Variants in PPP2R2C observed in about 807,000 individuals in gnomAD.
The protein encoded by PPP2R2C is protein phosphatase 2 regulatory subunit Bgamma.
A neutral mutation model predicts 45.3 loss-of-function variants in PPP2R2C; 10 were observed. That is an observed-to-expected ratio of 0.22 (90% CI 0.14 to 0.37). The LOEUF (loss-of-function observed/expected upper bound fraction) is 0.37, where lower values mean the gene tolerates loss of function less well. Ranked by LOEUF, PPP2R2C falls within the 10% of genes least tolerant of loss-of-function variation. The pLI, the probability that PPP2R2C is intolerant of heterozygous loss-of-function variation, is 1.00. For missense variants in PPP2R2C, 308 were observed against 619.7 expected, an observed-to-expected ratio of 0.50 and a Z score of 5.34; for synonymous variants, 257 against 245.4, an observed-to-expected ratio of 1.05 and a Z score of -0.44.
At chr4:6,492,395 A>T (rs1358257783) in intron 2 of PPP2R2C, among the ~76,000 whole-genome samples, 1 of 152,146 alleles carries the variant, frequency 6.6e-6, no homozygotes, top group Non-Finnish European at 1.5e-5. Context: ...CGTGGTGCTG[A>T]AGACTTGATG....
intron 2 of PPP2R2C, among the ~76,000 whole-genome samples, chr4:6,478,374 G>C (rs571081583): frequency 6.6e-5 from 10 of 152,342 alleles, no homozygotes; most frequent in African/African-American, 1.7e-4. Flanking sequence ...ACAAGGTGAG[G>C]TGAGTGACTA....
intron 1 of PPP2R2C, among the ~76,000 whole-genome samples, chr4:6,393,919 C>T (rs567799684): frequency 1.2e-4 from 18 of 152,372 alleles, no homozygotes; most frequent in South Asian, 2.1e-4. Flanking sequence ...AACCCTCCAT[C>T]GGATCCCCAT....
chr4:6,435,554 G>C (rs764498642), intron 1 of PPP2R2C, among the ~76,000 whole-genome samples: 1 of 152,182 alleles, frequency 6.6e-6, no homozygotes, highest in Non-Finnish European at 1.5e-5. Flanking sequence ...TCTTGAGATA[G>C]AGCTTGCACT....
intron 2 of PPP2R2C, among the ~76,000 whole-genome samples, chr4:6,519,190 GTGTTGGGCCCCCAGCTA>G (rs889146264): frequency 3.9e-5 from 6 of 152,262 alleles, no homozygotes; most frequent in Admixed American, 1.3e-4. Context: ...AATACCAGCT[GTGTTGGGCCCCCAGCTA>G]TGTTGGGAGA....
Position 6,378,795 on chromosome 4 carries a change from C to G in PPP2R2C, c.169-223G>C, listed in dbSNP as rs369391487. Among the ~76,000 whole-genome samples, 116 of 152,148 alleles carry G rather than the reference C, an allele frequency of 7.6e-4. No homozygotes were observed. In the East Asian group the frequency reaches 8.2e-3, roughly 11 times the overall value. On this transcript the variant is annotated intron_variant, in intron 2 of 8. Coordinates refer to ENST00000382599, the MANE Select transcript of PPP2R2C (RefSeq NM_020416.4). The surrounding 1 kb of genome is among the most constrained non-coding windows in gnomAD (Gnocchi z 5.2). ...TGCGGTCCCATGAAACACTCACACCCGAGCCGGCTAACTTGCTAATGCGAA... is the reference window on the plus strand; with the variant it reads ...TGCGGTCCCATGAAACACTCACACCGGAGCCGGCTAACTTGCTAATGCGAA...
At chr4:6,372,459 C>T in intron 5 of PPP2R2C, 64 bp downstream of exon 5, 2 of 1,548,378 alleles carry the variant, frequency 1.3e-6, no homozygotes, top group Non-Finnish European at 1.8e-6. Context: ...TCAAACCAAA[C>T]CCACCACCCA....
rs1713379261 is a variant in PPP2R2C at position 6,358,092 on chromosome 4, A to AAG, written c.626-10083_626-10082insCT. 2.0e-5 allele frequency among the ~76,000 whole-genome samples: 3 copies of AAG among 152,222 alleles called. No homozygotes were observed. In the South Asian group the frequency reaches 6.2e-4, roughly 32 times the overall value. On this transcript the variant is annotated intron_variant, in intron 5 of 8. Coordinates refer to ENST00000382599, the MANE Select transcript of PPP2R2C (RefSeq NM_020416.4). ...GCTACCTGACTTCAAACTATGCTAC[A>AAG]AAGCTACAGTAACCAAAACAGCATG...
At chr4:6,516,373 G>A (rs146610500) in intron 2 of PPP2R2C, among the ~76,000 whole-genome samples, 19 of 152,322 alleles carry the variant, frequency 1.2e-4, no homozygotes, top group Admixed American at 8.5e-4. Context: ...CCGTTGCCTC[G>A]TCTTACCCGC....
rs1476610785 is a variant in PPP2R2C at position 6,329,224 on chromosome 4, T to C, written c.1052+38A>G. On this transcript the variant is annotated intron_variant, in intron 8 of 8. Transcript: ENST00000382599. This position sits in a 1 kb window ranked among gnomAD's most constrained non-coding sequence, Gnocchi z 5.8. ...ACCCCTGCAGGGCAGAAACCCTCCC[T>C]ACGGTGAGGTGAGGTGCGGGCTGAG... The C allele has an allele frequency of 1.3e-6, 2 of 1,579,398 alleles. No homozygotes were observed. The highest frequency in any genetic ancestry group is 1.7e-6 in the Non-Finnish European group (2 of 1,149,800).
chr4:6,451,469 C>T (rs73207823), intron 1 of PPP2R2C, among the ~76,000 whole-genome samples: 13,944 of 152,198 alleles, frequency 0.092, 866 homozygotes, highest in Non-Finnish European at 0.14. Context: ...CCTTCTGTTT[C>T]TTGCATGAGG....
Position 6,321,822 on chromosome 4 carries a change from C to T in PPP2R2C, c.*1480G>A, listed in dbSNP as rs561190914. On this transcript the variant is annotated 3_prime_UTR_variant, in exon 9 of 9. Coordinates refer to ENST00000382599, the MANE Select transcript of PPP2R2C (RefSeq NM_020416.4). ...AGAACAGGAGCATCTACCATGGAAA[C>T]ACCACCTTCTCTGTGGCCCTCATTG... 2 of 152,298 alleles carry T rather than the reference C, an allele frequency of 1.3e-5. No individual in the cohort carries two copies. Among genetic ancestry groups the T allele is most frequent in the African/African-American group, 4.8e-5 (2 of 41,574 alleles). 9.4% of individuals were successfully genotyped at this position (152,298 alleles called of 1,614,324 possible).
chr4:6,335,961 A>G (rs1577075246), intron 6 of PPP2R2C, among the ~76,000 whole-genome samples: 1 of 151,994 alleles, frequency 6.6e-6, no homozygotes, highest in Admixed American at 6.5e-5. Flanking sequence ...GCCTCTGGTG[A>G]GCAGTGGCAG....
chr4:6,365,439 G>A (rs998316427), intron 5 of PPP2R2C, among the ~76,000 whole-genome samples: 8 of 152,192 alleles, frequency 5.3e-5, no homozygotes, highest in African/African-American at 1.9e-4. Context: ...TGTCTACACG[G>A]CACCAGGCCC....
At chr4:6,372,306 T>A (rs994193747) in intron 5 of PPP2R2C, among the ~76,000 whole-genome samples, 7 of 152,194 alleles carry the variant, frequency 4.6e-5, no homozygotes, top group Non-Finnish European at 1.0e-4. Flanking sequence ...ATGGGTGCAA[T>A]GCTCAGCAAC....
In PPP2R2C at chr4:6,562,314, C is replaced by T. The variant is rs188010090; in HGVS notation, c.-59+1246G>A. On this transcript the variant is annotated intron_variant, in intron 1 of 9. Coordinates refer to the PPP2R2C transcript ENST00000506140. ...TGACAGTGTCCCTGTGATGTCTTCC[C>T]GTGACAGTGTGAGCACATGCCAAAG... Among the ~76,000 whole-genome samples, 8 of 152,250 alleles carry T rather than the reference C, an allele frequency of 5.3e-5. No individual in the cohort carries two copies. In the East Asian group the frequency reaches 1.2e-3, roughly 22 times the overall value.
chr4:6,366,587 C>T (rs2109279900), intron 5 of PPP2R2C, among the ~76,000 whole-genome samples: 1 of 152,298 alleles, frequency 6.6e-6, no homozygotes. Flanking sequence ...CAAGGAGCCG[C>T]AGGCTTAGAG....
At chr4:6,413,790 C>G (rs1204489861) in intron 1 of PPP2R2C, 3 of 1,367,602 alleles carry the variant, frequency 2.2e-6, no homozygotes, top group Admixed American at 2.2e-5. Flanking sequence ...GAAGTGGAGA[C>G]TGGCCAAAGG....
intron 2 of PPP2R2C, among the ~76,000 whole-genome samples, chr4:6,507,312 T>G (rs1378299446): frequency 1.3e-5 from 2 of 152,198 alleles, no homozygotes; most frequent in African/African-American, 2.4e-5. Context: ...CCTTCCTGCC[T>G]CTGACTACAT....
chr4:6,356,750 C>A (rs1222995398), intron 5 of PPP2R2C, among the ~76,000 whole-genome samples: 2 of 152,274 alleles, frequency 1.3e-5, no homozygotes, highest in Non-Finnish European at 2.9e-5. Flanking sequence ...GGGTTCCAGC[C>A]TCAAATCCAC....
Sources: allele counts gnomAD v4.1 joint callset (sites outside exome capture counted in the v4.1 genomes callset), GRCh38; gene constraint gnomAD v4.1.1; non-coding constraint Gnocchi (gnomAD v3.1); transcripts MANE v1.5; gene names NCBI Gene and HGNC (gene_info 2026-07-23, HGNC 2026-07-21).